The following SPRYD4 variants were observed in gnomAD, a reference collection of about 807,000 sequenced individuals.
The protein encoded by SPRYD4 is SPRY domain containing 4, also known as SPRY domain-containing protein 4.
A neutral mutation model predicts 16.6 loss-of-function variants in SPRYD4; 12 were observed. The observed-to-expected ratio is 0.72, with a 90% CI of 0.46 to 1.17. The LOEUF (loss-of-function observed/expected upper bound fraction) is 1.17. Among genes scored for constraint, SPRYD4 ranks in the 50% most tolerant of loss-of-function variants. The probability of loss-of-function intolerance (pLI) is 0.00; values close to 1 mark genes in which losing one functional copy is unlikely to be tolerated. For synonymous variants in SPRYD4, 98 were observed against 105.4 expected (o/e 0.93, Z 0.43); for missense variants, 260 against 260.2 (o/e 1.00, Z 0.00).
Position 56,469,260 on chromosome 12 carries a change from G to A in SPRYD4, c.307G>A (p.Gly103Arg). The change falls in exon 2 of 2, where the codon GGA becomes AGA. Residue 103 changes from glycine (G) to arginine (R), a missense_variant. Coordinates refer to ENST00000338146, the MANE Select transcript of SPRYD4 (RefSeq NM_207344.4). ...TVKRSQQFRI[G>R]VADVDMSRDS... ...GAAGCGCTCCCAGCAGTTCCGGATA[G>A]GAGTGGCAGATGTGGACATGTCCCG... is the stretch of plus-strand genomic sequence containing the variant. 1 of 1,614,092 alleles carries A rather than the reference G, an allele frequency of 6.2e-7. No individual in the cohort carries two copies. The highest frequency in any genetic ancestry group is 8.5e-7 in the Non-Finnish European group (1 of 1,179,942).
rs1869673019 is a variant in SPRYD4, at chr12:56,474,981, C to T, written c.*5404C>T. 3.1e-6 allele frequency: 5 copies of T among 1,613,852 alleles called. No individual in the cohort carries two copies. The highest frequency in any genetic ancestry group is 4.2e-6 in the Non-Finnish European group (5 of 1,179,946). Reference sequence around the variant, plus strand: ...GGGTCTCAGCTGAAGCCCCCAACCCCTACTGCCCTTCCACTAGCAGCAGAA... The same window carrying T: ...GGGTCTCAGCTGAAGCCCCCAACCCTTACTGCCCTTCCACTAGCAGCAGAA... On this transcript the variant is annotated 3_prime_UTR_variant, in exon 2 of 2. Coordinates refer to ENST00000338146, the MANE Select transcript of SPRYD4 (RefSeq NM_207344.4).
chr12:56,475,107 G>A lies in SPRYD4; in HGVS notation c.*5530G>A, dbSNP rs1327387222. 1.2e-6 allele frequency: 2 copies of A among 1,614,038 alleles called. No individual in the cohort carries two copies. Among genetic ancestry groups the A allele is most frequent in the Admixed American group, 1.7e-5 (1 of 60,016 alleles). Reference sequence around the variant, plus strand: ...GATCCCCTGTTTCCTTCTCTGACTGGAATCTGAAGCAAACACCCAATTTAG... The same window carrying A: ...GATCCCCTGTTTCCTTCTCTGACTGAAATCTGAAGCAAACACCCAATTTAG... On this transcript the variant is annotated 3_prime_UTR_variant, in exon 2 of 2. Coordinates refer to ENST00000338146, the MANE Select transcript of SPRYD4 (RefSeq NM_207344.4).
rs1026435807 is a variant in SPRYD4, at chr12:56,476,459, T to A, written c.*6882T>A. 3 of 173,054 alleles carry A rather than the reference T, an allele frequency of 1.7e-5. No individual in the cohort carries two copies. Among genetic ancestry groups the A allele is most frequent in the African/African-American group, 7.2e-5 (3 of 41,668 alleles). 10.7% of individuals were successfully genotyped at this position (173,054 alleles called of 1,614,324 possible). ...TTCCTTACACCCCATGCTGGAGCTTTACTCCATCCCATTGGCCAGCATGAT... is the reference window on the plus strand; with the variant it reads ...TTCCTTACACCCCATGCTGGAGCTTAACTCCATCCCATTGGCCAGCATGAT... On this transcript the variant is annotated 3_prime_UTR_variant, in exon 2 of 2. Coordinates refer to ENST00000338146, the MANE Select transcript of SPRYD4 (RefSeq NM_207344.4).
rs1592276254 is a variant in SPRYD4, at chr12:56,476,244, C to T, written c.*6667C>T. On this transcript the variant is annotated 3_prime_UTR_variant, in exon 2 of 2. Transcript: ENST00000338146. ...GTGGCACGATCATGGCTCACTGCAG[C>T]TTTGACCTCCCAGGCTCAAGCGATC... The T allele has an allele frequency of 2.3e-6, 1 of 426,428 alleles. No homozygotes were observed. Among genetic ancestry groups the T allele is most frequent in the East Asian group, 4.8e-5 (1 of 21,030 alleles). 26.4% of individuals were successfully genotyped at this position (426,428 alleles called of 1,614,324 possible).
chr12:56,469,377 G>T lies in SPRYD4; in HGVS notation c.424G>T (p.Val142Phe), dbSNP rs770232198. Reference sequence around the variant, plus strand: ...CATGTTGGCCAACGAGAAAGCCCCAGTTGAGGGTATTGGGCAGCCAGAGAA... The same window carrying T: ...CATGTTGGCCAACGAGAAAGCCCCATTTGAGGGTATTGGGCAGCCAGAGAA... ...YTMLANEKAP[V>F]EGIGQPEKVG... The change falls in exon 2 of 2, where the codon GTT (valine) becomes TTT (phenylalanine). Residue 142 changes from valine to phenylalanine, a missense_variant. Physicochemically the swap from Val to Phe is conservative, Grantham distance 50. Coordinates refer to ENST00000338146, the MANE Select transcript of SPRYD4 (RefSeq NM_207344.4). 1.2e-6 allele frequency: 2 copies of T among 1,614,198 alleles called. No individual in the cohort carries two copies. The highest frequency in any genetic ancestry group is 1.7e-5 in the Admixed American group (1 of 60,030).
rs1869807824 is a variant in SPRYD4, at chr12:56,476,283, C to G, written c.*6706C>G. 2 of 350,888 alleles carry G rather than the reference C, an allele frequency of 5.7e-6. No individual in the cohort carries two copies. The highest frequency in any genetic ancestry group is 1.1e-5 in the Non-Finnish European group (2 of 188,084). 21.7% of individuals were successfully genotyped at this position (350,888 alleles called of 1,614,324 possible). A position where few individuals can be genotyped will look rare whatever the true frequency, so the allele number is the denominator to read the frequency against. The stretch of plus-strand genomic sequence containing the variant: ...GCTCAAGCGATCCTCCCACTTCAGC[C>G]TCCAAGTAGCTCGGATTACAGGCAT... On this transcript the variant is annotated 3_prime_UTR_variant, in exon 2 of 2. Coordinates refer to ENST00000338146, the MANE Select transcript of SPRYD4 (RefSeq NM_207344.4).
Position 56,479,342 on chromosome 12 carries a change from T to C in SPRYD4, c.*9765T>C, listed in dbSNP as rs1565706074. ...ATCAGTTTACCTTTCTAGGTCTTAGTTTCCGTACCTCTAAAATGAGGGGTT... is the reference window on the plus strand; with the variant it reads ...ATCAGTTTACCTTTCTAGGTCTTAGCTTCCGTACCTCTAAAATGAGGGGTT... On this transcript the variant is annotated 3_prime_UTR_variant, in exon 2 of 2. Coordinates refer to ENST00000338146, the MANE Select transcript of SPRYD4 (RefSeq NM_207344.4). 1 of 782,918 alleles carries C rather than the reference T, an allele frequency of 1.3e-6. No homozygotes were observed. Among genetic ancestry groups the C allele is most frequent in the Non-Finnish European group, 1.9e-6 (1 of 523,416 alleles). 48.5% of individuals were successfully genotyped at this position (782,918 alleles called of 1,614,324 possible). A position where few individuals can be genotyped will look rare whatever the true frequency, so the allele number is the denominator to read the frequency against.
rs1869926339 is a variant in SPRYD4 at position 56,477,512 on chromosome 12, G to A, written c.*7935G>A. On this transcript the variant is annotated 3_prime_UTR_variant, in exon 2 of 2. Transcript: ENST00000338146. Reference sequence around the variant, plus strand: ...CTGACATTGTCAGCATAACATGTGGGTCCCTGCTGTGCCTCATGTGCCTTC... The same window carrying A: ...CTGACATTGTCAGCATAACATGTGGATCCCTGCTGTGCCTCATGTGCCTTC... 4 of 715,026 alleles carry A rather than the reference G, an allele frequency of 5.6e-6. No individual in the cohort carries two copies. Among genetic ancestry groups the A allele is most frequent in the Non-Finnish European group, 9.6e-6 (4 of 415,346 alleles). 44.3% of individuals were successfully genotyped at this position (715,026 alleles called of 1,614,324 possible).
In SPRYD4 at chr12:56,477,953, T is replaced by G. The variant is rs757652198; in HGVS notation, c.*8376T>G. Reference sequence around the variant, plus strand: ...CTCACCTTCCTCATTGAGGGAGAGCTTGTTGTAGCGCAGGCCACTTGGCTC... The same window carrying G: ...CTCACCTTCCTCATTGAGGGAGAGCGTGTTGTAGCGCAGGCCACTTGGCTC... On this transcript the variant is annotated 3_prime_UTR_variant, in exon 2 of 2. Transcript: ENST00000338146. 3.7e-6 allele frequency: 6 copies of G among 1,613,616 alleles called. No individual in the cohort carries two copies. The highest frequency in any genetic ancestry group is 1.6e-4 in the Middle Eastern group (1 of 6,082).
rs1315259979 is a variant in SPRYD4 at position 56,474,263 on chromosome 12, G to C, written c.*4686G>C. ...CACCACCACCCCCGGCTAATTTTTT[G>C]TATTTAGTAGAGATGGGGTTTCACC... On this transcript the variant is annotated 3_prime_UTR_variant, in exon 2 of 2. Coordinates refer to ENST00000338146, the MANE Select transcript of SPRYD4 (RefSeq NM_207344.4). The C allele has an allele frequency of 2.6e-6, 1 of 389,684 alleles. No individual in the cohort carries two copies. Among genetic ancestry groups the C allele is most frequent in the Non-Finnish European group, 4.8e-6 (1 of 208,534 alleles). 24.1% of individuals were successfully genotyped at this position (389,684 alleles called of 1,614,324 possible).
chr12:56,477,998 AC>A lies in SPRYD4; in HGVS notation c.*8422del. On this transcript the variant is annotated 3_prime_UTR_variant, in exon 2 of 2. Transcript: ENST00000338146. ...TGGCTCTTTGCCCACAAACTTGTGC[AC>A]GTAGTCAGTGCCTAGGGTGCTTATG... The A allele has an allele frequency of 6.2e-7, 1 of 1,614,212 alleles. No homozygotes were observed. The highest frequency in any genetic ancestry group is 8.5e-7 in the Non-Finnish European group (1 of 1,180,030).
Position 56,476,050 on chromosome 12 carries a change from G to C in SPRYD4, c.*6473G>C. 6.9e-7 allele frequency: 1 copy of C among 1,457,458 alleles called. No individual in the cohort carries two copies. Among genetic ancestry groups the C allele is most frequent in the Admixed American group, 1.7e-5 (1 of 58,740 alleles). The allele number at this position is 1,457,458 out of a possible 1,614,324, so 90.3% of individuals were successfully genotyped here. ...CAGAGGGAAGGGTCAGAAGGATCTAGTGGAGTTCTAGTGTTAGTCTGGTCC... is the reference window on the plus strand; with the variant it reads ...CAGAGGGAAGGGTCAGAAGGATCTACTGGAGTTCTAGTGTTAGTCTGGTCC... On this transcript the variant is annotated 3_prime_UTR_variant, in exon 2 of 2. Transcript: ENST00000338146.
At position 56,476,091 on chromosome 12, in the gene SPRYD4, G is replaced by A; in HGVS notation, c.*6514G>A. The A allele has an allele frequency of 1.0e-6, 1 of 994,120 alleles. No homozygotes were observed. Among genetic ancestry groups the A allele is most frequent in the Non-Finnish European group, 1.5e-6 (1 of 648,964 alleles). The allele number at this position is 994,120 out of a possible 1,614,324, so 61.6% of individuals were successfully genotyped here. A position where few individuals can be genotyped will look rare whatever the true frequency, so the allele number is the denominator to read the frequency against. On this transcript the variant is annotated 3_prime_UTR_variant, in exon 2 of 2. Transcript: ENST00000338146. ...AGTCTGGTCCTGCTGCTGCAAATGTGTTCAATTTTATAATGGCCCTTTTTT... is the reference window on the plus strand; with the variant it reads ...AGTCTGGTCCTGCTGCTGCAAATGTATTCAATTTTATAATGGCCCTTTTTT...
chr12:56,479,631 T>C lies in SPRYD4; in HGVS notation c.*10054T>C. On this transcript the variant is annotated 3_prime_UTR_variant, in exon 2 of 2. Coordinates refer to ENST00000338146, the MANE Select transcript of SPRYD4 (RefSeq NM_207344.4). ...TATTTCTATATTGTTTGAACTCTTA[T>C]GATGAGTATTCATGTATAACTTATG... is the stretch of plus-strand genomic sequence containing the variant. The C allele has an allele frequency of 1.4e-5, 13 of 918,306 alleles. No individual in the cohort carries two copies. Among genetic ancestry groups the C allele is most frequent in the East Asian group, 2.9e-5 (1 of 35,058 alleles). 56.9% of individuals were successfully genotyped at this position (918,306 alleles called of 1,614,324 possible). A position where few individuals can be genotyped will look rare whatever the true frequency, so the allele number is the denominator to read the frequency against.
In SPRYD4 at chr12:56,471,768, C is replaced by A; in HGVS notation, c.*2191C>A. On this transcript the variant is annotated 3_prime_UTR_variant, in exon 2 of 2. Coordinates refer to ENST00000338146, the MANE Select transcript of SPRYD4 (RefSeq NM_207344.4). ...ACCCTCCTCCACTTTTAGCCTATTC[C>A]TCACCTGTCCTTGGCAAAAGGATTC... 1 of 1,614,100 alleles carries A rather than the reference C, an allele frequency of 6.2e-7. No individual in the cohort carries two copies. Among genetic ancestry groups the A allele is most frequent in the Non-Finnish European group, 8.5e-7 (1 of 1,180,002 alleles).
Position 56,471,966 on chromosome 12 carries a change from C to G in SPRYD4, c.*2389C>G. 7.8e-7 allele frequency: 1 copy of G among 1,275,114 alleles called. No homozygotes were observed. Among genetic ancestry groups the G allele is most frequent in the South Asian group, 1.2e-5 (1 of 80,422 alleles). 79.0% of individuals were successfully genotyped at this position (1,275,114 alleles called of 1,614,324 possible). The stretch of plus-strand genomic sequence containing the variant: ...TCTTCCCATTTTGTACCCTGCAGCA[C>G]TCAGTCATAGTCTAGCTGCAAACCG... On this transcript the variant is annotated 3_prime_UTR_variant, in exon 2 of 2. Coordinates refer to ENST00000338146, the MANE Select transcript of SPRYD4 (RefSeq NM_207344.4).
Position 56,472,246 on chromosome 12 carries a change from C to G in SPRYD4, c.*2669C>G. ...AGTTGCCTAGATCAGACTGGAATCA[C>G]AGGTGTTCTTTGTGAACTGGTGTCA... is the stretch of plus-strand genomic sequence containing the variant. On this transcript the variant is annotated 3_prime_UTR_variant, in exon 2 of 2. Coordinates refer to ENST00000338146, the MANE Select transcript of SPRYD4 (RefSeq NM_207344.4). The G allele has an allele frequency of 6.5e-7, 1 of 1,545,024 alleles. No individual in the cohort carries two copies. The highest frequency in any genetic ancestry group is 1.1e-5 in the South Asian group (1 of 89,394).
Position 56,473,179 on chromosome 12 carries a change from G to C in SPRYD4, c.*3602G>C. On this transcript the variant is annotated 3_prime_UTR_variant, in exon 2 of 2. Transcript: ENST00000338146. ...GCAGGGATTACAGGCGTGAGCCACC[G>C]CACCTGGCCTTTGAAATATTCTTAC... 1 of 1,558,636 alleles carries C rather than the reference G, an allele frequency of 6.4e-7. No individual in the cohort carries two copies. Among genetic ancestry groups the C allele is most frequent in the South Asian group, 1.1e-5 (1 of 89,628 alleles).
At position 56,477,809 on chromosome 12, in the gene SPRYD4, C is replaced by G; in HGVS notation, c.*8232C>G. 1 of 1,544,206 alleles carries G rather than the reference C, an allele frequency of 6.5e-7. No homozygotes were observed. The highest frequency in any genetic ancestry group is 8.8e-7 in the Non-Finnish European group (1 of 1,134,086). ...TTTGTGGGTTAGACAAGAAAGACTG[C>G]TAGGGAGAAAGGCATGACAGGGCTA... On this transcript the variant is annotated 3_prime_UTR_variant, in exon 2 of 2. Coordinates refer to ENST00000338146, the MANE Select transcript of SPRYD4 (RefSeq NM_207344.4).
Sources: allele counts gnomAD v4.1 joint callset, GRCh38; gene constraint gnomAD v4.1.1; transcripts MANE v1.5; gene names NCBI Gene and HGNC (gene_info 2026-07-23, HGNC 2026-07-21).